The following AKAP6 variants were observed in gnomAD, a reference collection of about 807,000 sequenced individuals.
The protein encoded by AKAP6 is A-kinase anchor protein 6.
AKAP6 carries 58 observed loss-of-function variants against 188.5 expected under a neutral mutation model. That is an observed-to-expected ratio of 0.31 (90% CI 0.25 to 0.38). The LOEUF (loss-of-function observed/expected upper bound fraction) is 0.38, where lower values mean the gene tolerates loss of function less well. Among genes scored for constraint, AKAP6 ranks in the 10% least tolerant of loss-of-function variants. AKAP6 has a pLI of 1.00. For missense variants in AKAP6, 2,710 were observed against 2,740.0 expected (o/e 0.99, Z 0.24); for synonymous variants, 989 against 998.6 (o/e 0.99, Z 0.18).
chr14:32,748,825 G>A (rs1307990638), intron 11 of AKAP6, among the ~76,000 whole-genome samples: 3 of 152,028 alleles, frequency 2.0e-5, no homozygotes, highest in Admixed American at 6.6e-5. Context: ...TGAGCAAGGC[G>A]GCACACCATT....
intron 2 of AKAP6, among the ~76,000 whole-genome samples, chr14:32,435,334 A>T (rs1025887657): frequency 6.6e-6 from 1 of 152,248 alleles, no homozygotes; most frequent in Admixed American, 6.5e-5. Flanking sequence ...TCAGTAAAAA[A>T]AATGTGTTGT....
At chr14:32,802,388 C>G (rs2033974389) in intron 12 of AKAP6, among the ~76,000 whole-genome samples, 1 of 152,078 alleles carries the variant, frequency 6.6e-6, no homozygotes, top group Admixed American at 6.6e-5. Flanking sequence ...GAAGATATGA[C>G]CAAGTGATTC....
At chr14:32,621,526 G>A (rs1886814329) in intron 7 of AKAP6, among the ~76,000 whole-genome samples, 1 of 151,974 alleles carries the variant, frequency 6.6e-6, no homozygotes, top group Admixed American at 6.6e-5. Context: ...TTCTGCTGTA[G>A]TCTGATAAGT....
chr14:32,431,200 C>T (rs775121673), intron 1 of AKAP6, among the ~76,000 whole-genome samples: 9 of 151,770 alleles, frequency 5.9e-5, no homozygotes, highest in East Asian at 5.8e-4. Context: ...GGAGTTTTAT[C>T]CCTCTCAGTG....
At chr14:32,588,557 A>G (rs1257053569) in intron 5 of AKAP6, among the ~76,000 whole-genome samples, 1 of 152,154 alleles carries the variant, frequency 6.6e-6, no homozygotes, top group Non-Finnish European at 1.5e-5. Context: ...TTTTGAGGCC[A>G]TGTTTATAGT....
chr14:32,747,555 G>T (rs533419860), intron 11 of AKAP6, among the ~76,000 whole-genome samples: 8 of 152,176 alleles, frequency 5.3e-5, no homozygotes, highest in African/African-American at 1.4e-4. Flanking sequence ...CTTTTATTAG[G>T]TTTTTTCCCC....
intron 2 of AKAP6, among the ~76,000 whole-genome samples, chr14:32,455,942 A>T (rs1213663815): frequency 1.3e-5 from 2 of 152,164 alleles, no homozygotes; most frequent in East Asian, 3.8e-4. Flanking sequence ...CCAAAGAAGG[A>T]CATTCTGGAG....
At chr14:32,727,839 T>A (rs2030947268) in intron 9 of AKAP6, among the ~76,000 whole-genome samples, 1 of 152,220 alleles carries the variant, frequency 6.6e-6, no homozygotes, top group African/African-American at 2.4e-5. Context: ...TTGCAAGAAA[T>A]AACAACTATT....
chr14:32,351,399 T>C (rs1194392845), intron 1 of AKAP6, among the ~76,000 whole-genome samples: 9 of 151,972 alleles, frequency 5.9e-5, no homozygotes. Flanking sequence ...CCCATCTCTA[T>C]GACAAATACA....
chr14:32,629,242 T>C (rs952864648), intron 7 of AKAP6, among the ~76,000 whole-genome samples: 2 of 152,036 alleles, frequency 1.3e-5, no homozygotes, highest in African/African-American at 4.8e-5. Flanking sequence ...AGCAAAGATA[T>C]TTGCTAGAAG....
chr14:32,693,656 A>G (rs1444686899), intron 8 of AKAP6: 1 of 152,166 alleles, frequency 6.6e-6, no homozygotes, highest in Non-Finnish European at 1.5e-5. Flanking sequence ...GAGAACACAC[A>G]TCTGAGCACC....
chr14:32,382,397 A>G (rs3784177), intron 1 of AKAP6, among the ~76,000 whole-genome samples: 1 of 152,066 alleles, frequency 6.6e-6, no homozygotes, highest in Admixed American at 6.6e-5. Flanking sequence ...CGGGTTGCAC[A>G]CTGTCTTTGA....
chr14:32,696,214 A>G (rs1301433572), intron 9 of AKAP6, 104 bp downstream of exon 9: 6 of 1,396,240 alleles, frequency 4.3e-6, no homozygotes, highest in Non-Finnish European at 4.7e-6. Context: ...TGTATGTATC[A>G]TGGTGTCTAT....
chr14:32,746,804 T>C (rs1414725822), intron 11 of AKAP6, among the ~76,000 whole-genome samples: 1 of 152,204 alleles, frequency 6.6e-6, no homozygotes, highest in Admixed American at 6.5e-5. Context: ...AAAGATCTGT[T>C]ACTTGAAAGA....
intron 1 of AKAP6, among the ~76,000 whole-genome samples, chr14:32,361,643 A>C (rs114030951): frequency 2.8e-4 from 43 of 152,344 alleles, no homozygotes; most frequent in African/African-American, 1.0e-3. Context: ...TTCTACCTGC[A>C]GTTATGATTA....
chr14:32,385,947 A>G (rs1365791591), intron 1 of AKAP6, among the ~76,000 whole-genome samples: 2 of 148,574 alleles, frequency 1.3e-5, no homozygotes, highest in Non-Finnish European at 3.0e-5. Context: ...TATATTATAC[A>G]TATATTCATA....
chr14:32,756,438 G>T (rs1404155556), intron 11 of AKAP6, among the ~76,000 whole-genome samples: 1 of 152,058 alleles, frequency 6.6e-6, no homozygotes, highest in Admixed American at 6.5e-5. Context: ...GAGTGTGTGG[G>T]TATCAGCCCA....
chr14:32,507,390 T>C (rs1202330799), intron 2 of AKAP6, among the ~76,000 whole-genome samples: 1 of 152,186 alleles, frequency 6.6e-6, no homozygotes, highest in Non-Finnish European at 1.5e-5. Context: ...GGCTTTACAA[T>C]TAGCAAAACA....
In AKAP6 at chr14:32,472,042, C is replaced by T. The variant is rs191770677; in HGVS notation, c.324+38225C>T. On this transcript the variant is annotated intron_variant, in intron 2 of 13. Coordinates refer to ENST00000280979, the MANE Select transcript of AKAP6 (RefSeq NM_004274.5). ...TGTCATAGTTTGGGTTCCCAGGAAT[C>T]GGATTCTGAGGCTCTGAGATCTACA... is the stretch of plus-strand genomic sequence containing the variant. 1.2e-4 allele frequency among the ~76,000 whole-genome samples: 18 copies of T among 151,008 alleles called. No individual in the cohort carries two copies. In the South Asian group the frequency reaches 2.1e-3, roughly 18 times the overall value.
Sources: gnomAD v4.1 joint callset for allele counts (sites outside exome capture counted in the v4.1 genomes callset) on GRCh38, gnomAD v4.1.1 for gene constraint, MANE v1.5 for transcripts, NCBI Gene and HGNC (gene_info 2026-07-23, HGNC 2026-07-21) for gene names.